MCCC1: variants seen among roughly 807,000 people sequenced by gnomAD.
MCCC1 encodes methylcrotonoyl-CoA carboxylase subunit alpha, mitochondrial.
In MCCC1, 64 loss-of-function variants were observed where a neutral mutation model predicts 83.8. The observed-to-expected ratio is 0.76, with a 90% CI of 0.62 to 0.94. MCCC1 has a LOEUF of 0.94. Ranked by LOEUF, MCCC1 falls within the 40% of genes least tolerant of loss-of-function variation. The probability of loss-of-function intolerance (pLI) is 0.00; values close to 1 mark genes in which losing one functional copy is unlikely to be tolerated. For synonymous variants in MCCC1, 322 were observed against 315.4 expected, an observed-to-expected ratio of 1.02 and a Z score of -0.22; for missense variants, 807 against 904.7, an observed-to-expected ratio of 0.89 and a Z score of 1.39.
Position 183,041,758 on chromosome 3 carries a change from T to A in MCCC1, c.1084-8A>T, listed in dbSNP as rs1393647367. The A allele has an allele frequency of 1.2e-6, 2 of 1,614,052 alleles. No individual in the cohort carries two copies. The highest frequency in any genetic ancestry group is 2.7e-5 in the African/African-American group (2 of 74,946). On this transcript the variant is annotated splice_region_variant and splice_polypyrimidine_tract_variant and intron_variant, in intron 10 of 18. Coordinates refer to ENST00000265594, the MANE Select transcript of MCCC1 (RefSeq NM_020166.5). ...CTTCTCTCCTGCTGCAATCTGGCAA[T>A]AGAATAGTGTTTCTTATGAAATCTA...
rs191307425 is a variant in MCCC1 at position 183,112,414 on chromosome 3, G to T, written c.-102+3060C>A. On this transcript the variant is annotated intron_variant, in intron 1 of 17. Coordinates refer to the MCCC1 transcript ENST00000492597. The stretch of plus-strand genomic sequence containing the variant: ...TTTCAGCAAGTGTCAAAAGAAGGCT[G>T]CAGTGGCTCCTACCATCACAGCAGA... Among the ~76,000 whole-genome samples the T allele has an allele frequency of 6.6e-5, 10 of 152,266 alleles. 1 individual carries two copies. Among genetic ancestry groups the T allele is most frequent in the Admixed American group, 6.5e-4 (10 of 15,292 alleles).
intron 1 of MCCC1, among the ~76,000 whole-genome samples, chr3:183,109,233 C>A (rs1719452218): frequency 6.6e-6 from 1 of 152,066 alleles, no homozygotes; most frequent in Admixed American, 6.6e-5. Context: ...ATCTGGTGAT[C>A]CGCCCACCTC....
intron 1 of MCCC1, among the ~76,000 whole-genome samples, chr3:183,107,709 GTTTTC>G (rs920583392): frequency 6.6e-6 from 1 of 151,142 alleles, no homozygotes; most frequent in African/African-American, 2.4e-5. Context: ...CGCCTGGCTA[GTTTTC>G]TTTTCTTTCT....
At chr3:183,071,760 G>C (rs1291615037) in intron 5 of MCCC1, among the ~76,000 whole-genome samples, 3 of 150,788 alleles carry the variant, frequency 2.0e-5, no homozygotes, top group Non-Finnish European at 4.4e-5. Flanking sequence ...AGAGTGCAGT[G>C]GTGCAATTAT....
intron 1 of MCCC1, among the ~76,000 whole-genome samples, chr3:183,098,333 T>C (rs1481896286): frequency 6.6e-6 from 1 of 152,268 alleles, no homozygotes; most frequent in Admixed American, 6.5e-5. Context: ...CAAACGTTCA[T>C]ATAAATGGTT....
At chr3:183,016,584 T>A (rs13075596) in intron 18 of MCCC1, among the ~76,000 whole-genome samples, 17,245 of 152,208 alleles carry the variant, frequency 0.11, 1,369 homozygotes, top group Non-Finnish European at 0.16. Flanking sequence ...ATTCAATGGG[T>A]CTGGGGAAGA....
chr3:183,072,365 C>T lies in MCCC1; in HGVS notation c.491+1G>A. 1 of 1,613,620 alleles carries T rather than the reference C, an allele frequency of 6.2e-7. No individual in the cohort carries two copies. Among genetic ancestry groups the T allele is most frequent in the Non-Finnish European group, 8.5e-7 (1 of 1,179,670 alleles). ...ATATTTTAAAAGATATAAACTCATA[C>T]CTCTTTATACCCATGTCTCTAATTG... On this transcript the variant is annotated splice_donor_variant, in intron 5 of 18. Transcript: ENST00000265594. LOFTEE classifies it high-confidence loss of function.
At chr3:183,091,379 C>T (rs1718321833) in intron 3 of MCCC1, among the ~76,000 whole-genome samples, 1 of 151,916 alleles carries the variant, frequency 6.6e-6, no homozygotes, top group Non-Finnish European at 1.5e-5. Flanking sequence ...ACCATTTTGG[C>T]CAACATGGTG....
chr3:183,091,600 A>G (rs545854285), intron 3 of MCCC1, among the ~76,000 whole-genome samples: 31 of 152,030 alleles, frequency 2.0e-4, no homozygotes, highest in African/African-American at 7.2e-4. Context: ...AAACAAAACA[A>G]AAAAAACTAG....
rs778939611 is a variant in MCCC1, at chr3:183,099,472, C to T, written c.-32G>A. On this transcript the variant is annotated 5_prime_UTR_variant, in exon 1 of 19. Transcript: ENST00000265594. Reference sequence around the variant, plus strand: ...GGAGCCCGGCCACTCCGTGACTCCCCAGTACAGAGGCAGCTGCGTCCCACA... The same window carrying T: ...GGAGCCCGGCCACTCCGTGACTCCCTAGTACAGAGGCAGCTGCGTCCCACA... The T allele has an allele frequency of 2.5e-6, 4 of 1,583,392 alleles. No individual in the cohort carries two copies. The highest frequency in any genetic ancestry group is 1.3e-5 in the African/African-American group (1 of 74,156).
In MCCC1 at chr3:183,015,375, G is replaced by A. The variant is rs2108428405; in HGVS notation, c.*63C>T. 1 of 1,589,598 alleles carries A rather than the reference G, an allele frequency of 6.3e-7. No individual in the cohort carries two copies. The highest frequency in any genetic ancestry group is 1.3e-5 in the African/African-American group (1 of 74,598). ...TTATGAGACCCCCAGAAAAGCTGGA[G>A]GCACTTCCTCTTTTTGGTGGAGAGA... On this transcript the variant is annotated 3_prime_UTR_variant, in exon 19 of 19. Transcript: ENST00000265594.
intron 1 of MCCC1, among the ~76,000 whole-genome samples, chr3:183,107,336 A>G (rs964151980): frequency 1.3e-5 from 2 of 150,662 alleles, no homozygotes; most frequent in African/African-American, 4.9e-5. Flanking sequence ...TGAACCCAGG[A>G]GGTGGAGGTT....
chr3:183,086,517 A>G (rs1717902409), intron 4 of MCCC1, among the ~76,000 whole-genome samples, 176 bp downstream of exon 4: 3 of 152,222 alleles, frequency 2.0e-5, no homozygotes, highest in Admixed American at 2.0e-4. Context: ...AGGATCCAGT[A>G]AAAAGGCAGA....
chr3:183,091,945 G>T (rs1301499579), intron 3 of MCCC1, among the ~76,000 whole-genome samples: 1 of 151,250 alleles, frequency 6.6e-6, no homozygotes, highest in African/African-American at 2.4e-5. Flanking sequence ...CGTCGAGGCA[G>T]GAGAATCGAG....
intron 10 of MCCC1, among the ~76,000 whole-genome samples, chr3:183,043,357 A>G (rs549786030): frequency 1.3e-5 from 2 of 152,348 alleles, no homozygotes; most frequent in African/African-American, 4.8e-5. Flanking sequence ...GAGCCCAGAA[A>G]AGACAGGCCC....
intron 18 of MCCC1, among the ~76,000 whole-genome samples, chr3:183,016,574 A>G (rs975823941): frequency 3.3e-5 from 5 of 152,178 alleles, no homozygotes; most frequent in Admixed American, 6.5e-5. Flanking sequence ...GGAGATTGCA[A>G]TTCAATGGGT....
chr3:183,039,254 A>G, intron 11 of MCCC1, 119 bp from the exon 12 acceptor site: 1 of 984,360 alleles, frequency 1.0e-6, no homozygotes, highest in Non-Finnish European at 1.6e-6. Context: ...CTGCATGATA[A>G]ATAACAACAC....
chr3:183,107,536 T>A (rs188979572), intron 1 of MCCC1, among the ~76,000 whole-genome samples: 3,358 of 146,982 alleles, frequency 0.023, 107 homozygotes, highest in African/African-American at 0.076. Context: ...TATTATTATT[T>A]GTTGTTGTTG....
At chr3:183,020,970 G>A (rs959325628) in intron 16 of MCCC1, among the ~76,000 whole-genome samples, 8 of 152,280 alleles carry the variant, frequency 5.3e-5, no homozygotes, top group African/African-American at 1.9e-4. Flanking sequence ...TGAGGCAGGA[G>A]AATGGAGTGA....
Sources: gnomAD v4.1 joint callset for allele counts (sites outside exome capture counted in the v4.1 genomes callset) on GRCh38, gnomAD v4.1.1 for gene constraint, MANE v1.5 for transcripts, NCBI Gene and HGNC (gene_info 2026-07-23, HGNC 2026-07-21) for gene names.